The following KCNQ3 variants were observed in gnomAD, a reference collection of about 807,000 sequenced individuals.
The protein encoded by KCNQ3 is potassium voltage-gated channel subfamily KQT member 3.
In KCNQ3, 30 loss-of-function variants were observed where a neutral mutation model predicts 92.5. The ratio of observed to expected loss-of-function variants is 0.32; its 90% CI spans 0.24 to 0.44. The LOEUF is 0.44. KCNQ3 is among the 20% of genes least tolerant of loss of function. KCNQ3 has a pLI of 1.00. For synonymous variants in KCNQ3, 450 were observed against 468.8 expected (o/e 0.96, Z 0.52); for missense variants, 913 against 1,140.3 (o/e 0.80, Z 2.87).
chr8:132,395,407 A>T (rs777918075), intron 1 of KCNQ3, among the ~76,000 whole-genome samples: 61 of 152,204 alleles, frequency 4.0e-4, no homozygotes, highest in Admixed American at 3.7e-3. Flanking sequence ...CTCTAATAGA[A>T]GTATCAGGAG....
chr8:132,206,035 T>A (rs541416035), intron 1 of KCNQ3, among the ~76,000 whole-genome samples: 1 of 152,250 alleles, frequency 6.6e-6, no homozygotes, highest in South Asian at 2.1e-4. Context: ...CCCCTCGACC[T>A]CTCACACTTT....
chr8:132,472,193 C>A (rs1822312921), intron 1 of KCNQ3, among the ~76,000 whole-genome samples: 1 of 152,102 alleles, frequency 6.6e-6, no homozygotes, highest in African/African-American at 2.4e-5. Context: ...CTATGGAAAG[C>A]AATATGGAGA....
intron 1 of KCNQ3, among the ~76,000 whole-genome samples, chr8:132,360,009 T>C (rs1187513218): frequency 6.6e-6 from 1 of 152,182 alleles, no homozygotes. Context: ...CTTCCCCTGA[T>C]GCCATCTACC....
intron 1 of KCNQ3, among the ~76,000 whole-genome samples, chr8:132,423,482 C>A (rs1821026268): frequency 6.6e-6 from 1 of 152,230 alleles, no homozygotes; most frequent in Admixed American, 6.5e-5. Context: ...AAGCCAGACT[C>A]CTGGTTTGGC....
chr8:132,145,988 T>C (rs1256953255), intron 9 of KCNQ3, among the ~76,000 whole-genome samples: 1 of 152,216 alleles, frequency 6.6e-6, no homozygotes, highest in Admixed American at 6.5e-5. Context: ...GGAGGGCATG[T>C]GGCCAAAACA....
At chr8:132,342,660 G>A (rs943358874) in intron 1 of KCNQ3, among the ~76,000 whole-genome samples, 16 of 152,222 alleles carry the variant, frequency 1.1e-4, no homozygotes, top group African/African-American at 3.6e-4. Context: ...TTTCCTGCAA[G>A]CCTCACTACT....
At chr8:132,420,000 C>A (rs1401800441) in intron 1 of KCNQ3, among the ~76,000 whole-genome samples, 1 of 152,184 alleles carries the variant, frequency 6.6e-6, no homozygotes, top group Non-Finnish European at 1.5e-5. Flanking sequence ...AGCTTATAAA[C>A]AACAGAAATT....
At chr8:132,171,340 A>G (rs1160464753) in intron 7 of KCNQ3, among the ~76,000 whole-genome samples, 2 of 152,162 alleles carry the variant, frequency 1.3e-5, no homozygotes, top group Non-Finnish European at 2.9e-5. Context: ...ACTCACTACA[A>G]CTGGAGAAAG....
intron 1 of KCNQ3, among the ~76,000 whole-genome samples, chr8:132,311,473 C>A (rs1192429531): frequency 6.6e-6 from 1 of 152,036 alleles, no homozygotes; most frequent in African/African-American, 2.4e-5. Flanking sequence ...AATGATTTAG[C>A]AGCTCCCTGT....
chr8:132,221,550 AT>A (rs1417422778), intron 1 of KCNQ3, among the ~76,000 whole-genome samples: 1 of 152,094 alleles, frequency 6.6e-6, no homozygotes, highest in Non-Finnish European at 1.5e-5. Context: ...TTTGATTTGC[AT>A]TTCTCTGATG....
At chr8:132,461,130 T>C (rs1432629139) in intron 1 of KCNQ3, among the ~76,000 whole-genome samples, 1 of 152,250 alleles carries the variant, frequency 6.6e-6, no homozygotes, top group African/African-American at 2.4e-5. Context: ...ATGGTTTGTT[T>C]ATCCATTCAT....
Position 132,427,438 on chromosome 8 carries a change from G to A in KCNQ3, c.386+52709C>T, listed in dbSNP as rs933393027. ...GACCTGGATGGGGTCACTGACCTCAGGAAGGAGAGAGAAGAAACCATACAG... is the reference window on the plus strand; with the variant it reads ...GACCTGGATGGGGTCACTGACCTCAAGAAGGAGAGAGAAGAAACCATACAG... On this transcript the variant is annotated intron_variant, in intron 1 of 14. Transcript: ENST00000388996. Among the ~76,000 whole-genome samples the A allele has an allele frequency of 2.0e-5, 3 of 152,326 alleles. No homozygotes were observed. The South Asian group carries it at 6.2e-4, about 32-fold the overall frequency.
chr8:132,262,412 C>G (rs932051012), intron 1 of KCNQ3, among the ~76,000 whole-genome samples: 4 of 152,026 alleles, frequency 2.6e-5, no homozygotes, highest in African/African-American at 7.2e-5. Context: ...ATGTAAAAAA[C>G]AAATGTAAAG....
chr8:132,133,201 A>G (rs1461951276), intron 13 of KCNQ3, among the ~76,000 whole-genome samples: 1 of 152,136 alleles, frequency 6.6e-6, no homozygotes, highest in African/African-American at 2.4e-5. Context: ...CTCATTTCTA[A>G]AAGAAGGTAG....
chr8:132,180,921 C>T (rs181985122), intron 3 of KCNQ3, among the ~76,000 whole-genome samples: 2 of 151,994 alleles, frequency 1.3e-5, no homozygotes, highest in African/African-American at 2.4e-5. Flanking sequence ...CAAGATTATC[C>T]ATCTGAAAAA....
chr8:132,186,026 G>A (rs1172748694), intron 2 of KCNQ3, 65 bp downstream of exon 2: 5 of 1,270,066 alleles, frequency 3.9e-6, no homozygotes, highest in Admixed American at 3.4e-5. Flanking sequence ...TGCACCCAAG[G>A]GCAACCTCCT....
At chr8:132,241,006 A>G (rs1814978875) in intron 1 of KCNQ3, among the ~76,000 whole-genome samples, 1 of 151,128 alleles carries the variant, frequency 6.6e-6, no homozygotes, top group South Asian at 2.1e-4. Context: ...CTCCTGCCTC[A>G]GCCTCCTGGG....
intron 12 of KCNQ3, 126 bp from the exon 13 acceptor site, chr8:132,134,514 G>GGA (rs1486218102): frequency 1.5e-6 from 1 of 647,950 alleles, no homozygotes; most frequent in African/African-American, 1.8e-5. Flanking sequence ...GGAGAGGAGA[G>GGA]GAGAAGTGAG....
At chr8:132,310,298 CG>C (rs1323441107) in intron 1 of KCNQ3, among the ~76,000 whole-genome samples, 1 of 152,000 alleles carries the variant, frequency 6.6e-6, no homozygotes, top group African/African-American at 2.4e-5. Context: ...TGTGCAACCT[CG>C]GGTCCATCTC....
Sources: gnomAD v4.1 joint callset for allele counts (sites outside exome capture counted in the v4.1 genomes callset) on GRCh38, gnomAD v4.1.1 for gene constraint, MANE v1.5 for transcripts, NCBI Gene and HGNC (gene_info 2026-07-23, HGNC 2026-07-21) for gene names.